The following FAAH2 variants were observed in gnomAD, a reference collection of about 807,000 sequenced individuals.
The protein encoded by FAAH2 is fatty acid amide hydrolase 2.
FAAH2 carries 60 observed loss-of-function variants against 36.9 expected under a neutral mutation model. The observed-to-expected ratio is 1.63, with a 90% CI of 1.32 to 2.02. The LOEUF is 2.02. Ranked by LOEUF, FAAH2 falls within the 30% of genes most tolerant of loss-of-function variation. The probability of loss-of-function intolerance (pLI) is 0.00; values close to 1 mark genes in which losing one functional copy is unlikely to be tolerated. For synonymous variants in FAAH2, 214 were observed against 143.8 expected, an observed-to-expected ratio of 1.49 and a Z score of -3.49; for missense variants, 689 against 397.5, an observed-to-expected ratio of 1.73 and a Z score of -6.23.
chrX:57,267,137 T>C, the FAAH2 span, among the ~76,000 whole-genome samples: 2 of 112,492 alleles, frequency 1.8e-5, no homozygotes, highest in African/African-American at 6.5e-5. Context: ...CCCCTACAGG[T>C]GTGCACCAGC....
At chrX:57,285,465 T>C (rs1287211531), upstream of FAAH2, among the ~76,000 whole-genome samples, 1 of 112,009 alleles carries the variant, frequency 8.9e-6, no homozygotes, top group Non-Finnish European at 1.9e-5. Flanking sequence ...AGATGGGGCA[T>C]AGACACAAAA....
At chrX:57,414,745 C>T (rs1047372061) in intron 7 of FAAH2, among the ~76,000 whole-genome samples, 3 of 109,979 alleles carry the variant, frequency 2.7e-5, no homozygotes, top group African/African-American at 6.6e-5. Flanking sequence ...TGAGTTAGGG[C>T]GGATTCCCTC....
intron 3 of FAAH2, among the ~76,000 whole-genome samples, chrX:57,325,152 T>G (rs1156446165): frequency 1.8e-5 from 2 of 112,121 alleles, no homozygotes; most frequent in Non-Finnish European, 3.8e-5. Context: ...TATTGATTTG[T>G]GTATGTTGAA....
intron 5 of FAAH2, among the ~76,000 whole-genome samples, chrX:57,359,808 G>T (rs2054245008): frequency 9.0e-6 from 1 of 111,537 alleles, no homozygotes; most frequent in South Asian, 3.7e-4. Flanking sequence ...TTGCTAACAA[G>T]TGTCTTTTGA....
the FAAH2 span, among the ~76,000 whole-genome samples, chrX:57,124,031 G>A: frequency 3.3e-4 from 37 of 111,301 alleles, no homozygotes; most frequent in East Asian, 8.4e-3. Context: ...GTCAATTTTG[G>A]CTTTTGTTGC....
chrX:57,349,312 CATAT>C (rs2053929361), intron 5 of FAAH2, among the ~76,000 whole-genome samples: 1 of 94,702 alleles, frequency 1.1e-5, no homozygotes, highest in Non-Finnish European at 2.0e-5. Flanking sequence ...TACATACATA[CATAT>C]ATACATATAT....
chrX:57,455,044 C>T (rs1116848), intron 10 of FAAH2, among the ~76,000 whole-genome samples: 25,117 of 110,306 alleles, frequency 0.23, 2,420 homozygotes, highest in Middle Eastern at 0.56. Flanking sequence ...TTAAAAGTAG[C>T]TAAAGAGAAA....
At chrX:57,246,068 A>G in the FAAH2 span, among the ~76,000 whole-genome samples, 1 of 112,017 alleles carries the variant, frequency 8.9e-6, no homozygotes, top group Non-Finnish European at 1.9e-5. Context: ...ACAGAAATAA[A>G]AACTTCCATC....
At chrX:57,332,233 T>C (rs2053428225) in intron 4 of FAAH2, among the ~76,000 whole-genome samples, 1 of 112,399 alleles carries the variant, frequency 8.9e-6, no homozygotes, top group African/African-American at 3.2e-5. Flanking sequence ...TATATGACCT[T>C]GGTCACATGA....
chrX:57,462,861 G>T (rs76380501), intron 10 of FAAH2, among the ~76,000 whole-genome samples: 6 of 112,080 alleles, frequency 5.4e-5, no homozygotes, highest in Non-Finnish European at 1.1e-4. Flanking sequence ...AAGAGAGGAA[G>T]TCAAATTGTC....
chrX:57,186,023 A>G, the FAAH2 span, among the ~76,000 whole-genome samples: 34 of 111,510 alleles, frequency 3.0e-4, no homozygotes, highest in East Asian at 2.8e-3. Context: ...GCTGCAAGAA[A>G]CATACATGTG....
chrX:57,221,068 G>T, the FAAH2 span, among the ~76,000 whole-genome samples: 2 of 111,275 alleles, frequency 1.8e-5, no homozygotes, highest in African/African-American at 6.6e-5. Context: ...GTCCTCCCAG[G>T]TGTCTGTTGT....
chrX:57,469,363 G>A (rs1314980634), intron 10 of FAAH2, among the ~76,000 whole-genome samples: 1 of 111,494 alleles, frequency 9.0e-6, no homozygotes, highest in Non-Finnish European at 1.9e-5. Context: ...CATCTCACAT[G>A]CAGAGACACA....
intron 3 of FAAH2, among the ~76,000 whole-genome samples, chrX:57,325,423 CCTT>C (rs1338973042): frequency 9.0e-6 from 1 of 111,473 alleles, no homozygotes; most frequent in Non-Finnish European, 1.9e-5. Flanking sequence ...GGTACCAGCT[CCTT>C]CTTGTACCTC....
chrX:57,419,199 A>G (rs1326077859), intron 7 of FAAH2, among the ~76,000 whole-genome samples: 9 of 111,214 alleles, frequency 8.1e-5, no homozygotes, highest in Non-Finnish European at 1.3e-4. Flanking sequence ...TGTCTTTATA[A>G]CAGCGTGATT....
intron 10 of FAAH2, among the ~76,000 whole-genome samples, chrX:57,476,029 T>C (rs1414791709): frequency 9.0e-6 from 1 of 111,672 alleles, no homozygotes; most frequent in Non-Finnish European, 1.9e-5. Context: ...CTTGGGATTT[T>C]TGTACATCGA....
chrX:57,342,313 A>G (rs1329358538), intron 5 of FAAH2, among the ~76,000 whole-genome samples: 1 of 111,541 alleles, frequency 9.0e-6, no homozygotes, highest in Admixed American at 9.6e-5. Context: ...GTGGGAGCTA[A>G]ATGTTGAGAA....
intron 3 of FAAH2, among the ~76,000 whole-genome samples, chrX:57,330,254 A>G (rs1480409756): frequency 6.3e-5 from 7 of 111,910 alleles, no homozygotes; most frequent in Non-Finnish European, 1.1e-4. Flanking sequence ...AACATCCCTG[A>G]GAAAGAGAAT....
chrX:57,444,016 C>T (rs777723780), intron 8 of FAAH2, among the ~76,000 whole-genome samples: 10 of 111,978 alleles, frequency 8.9e-5, no homozygotes, highest in African/African-American at 3.2e-4. Flanking sequence ...TGTCAGTCAG[C>T]CCCTACTGGG....
Sources: allele counts gnomAD v4.1 joint callset (sites outside exome capture counted in the v4.1 genomes callset), GRCh38; gene constraint gnomAD v4.1.1; transcripts MANE v1.5; gene names NCBI Gene and HGNC (gene_info 2026-07-23, HGNC 2026-07-21).